Variants in SLC9A1 observed in about 807,000 individuals in gnomAD.
The protein encoded by SLC9A1 is solute carrier family 9 member A1, also known as sodium/hydrogen exchanger 1.
In SLC9A1, 22 loss-of-function variants were observed where a neutral mutation model predicts 67.9. The observed-to-expected ratio is 0.32, with a 90% confidence interval of 0.23 to 0.46. SLC9A1 has a LOEUF of 0.46. Among genes scored for constraint, SLC9A1 ranks in the 20% least tolerant of loss-of-function variants. The pLI is 1.00. For synonymous variants in SLC9A1, 421 were observed against 471.8 expected, an observed-to-expected ratio of 0.89 and a Z score of 1.40; for missense variants, 686 against 1,094.8, an observed-to-expected ratio of 0.63 and a Z score of 5.27.
intron 1 of SLC9A1, among the ~76,000 whole-genome samples, chr1:27,127,336 G>A (rs1410507368): frequency 6.6e-6 from 1 of 152,196 alleles, no homozygotes; most frequent in Non-Finnish European, 1.5e-5. Context: ...AATGGCAGTG[G>A]ACTGGAGTGG....
chr1:27,126,124 C>G (rs80336120), intron 1 of SLC9A1, among the ~76,000 whole-genome samples: 4,662 of 152,202 alleles, frequency 0.031, 74 homozygotes, highest in Non-Finnish European at 0.043. Context: ...TCCCTTCCTT[C>G]AGGTCCCTGC....
chr1:27,144,814 G>C (rs185555916), intron 1 of SLC9A1, among the ~76,000 whole-genome samples: 1 of 152,142 alleles, frequency 6.6e-6, no homozygotes, highest in Admixed American at 6.5e-5. Context: ...TTCTAGACCA[G>C]ACTGGCCAGC....
At chr1:27,119,154 G>A (rs943913548) in intron 1 of SLC9A1, among the ~76,000 whole-genome samples, 1 of 151,728 alleles carries the variant, frequency 6.6e-6, no homozygotes, top group African/African-American at 2.4e-5. Context: ...CGGCTGCTCT[G>A]CACCACAAGA....
At chr1:27,149,674 G>C (rs1459387570) in intron 1 of SLC9A1, among the ~76,000 whole-genome samples, 1 of 152,206 alleles carries the variant, frequency 6.6e-6, no homozygotes, top group Non-Finnish European at 1.5e-5. Context: ...GCATTCCCAC[G>C]TTCAGCCTCT....
chr1:27,101,940 G>T lies in SLC9A1; in HGVS notation c.1935+76C>A. 2 of 1,422,698 alleles carry T rather than the reference G, an allele frequency of 1.4e-6. No homozygotes were observed. The highest frequency in any genetic ancestry group is 2.0e-6 in the Non-Finnish European group (2 of 1,010,366). 88.1% of individuals were successfully genotyped at this position (1,422,698 alleles called of 1,614,324 possible). On this transcript the variant is annotated intron_variant, in intron 9 of 11. Transcript: ENST00000263980. This position sits in a 1 kb window ranked among gnomAD's most constrained non-coding sequence, Gnocchi z 4.9. ...CTGGGGTGGGTGCCGAGGGGCACGG[G>T]CAGGGCAGGGCTGCCGTAGAGAGGG...
intron 1 of SLC9A1, among the ~76,000 whole-genome samples, chr1:27,144,141 A>T (rs1348744222): frequency 6.6e-6 from 1 of 152,252 alleles, no homozygotes; most frequent in Non-Finnish European, 1.5e-5. Flanking sequence ...AGAAGCCATA[A>T]GTAAATCTGT....
At chr1:27,135,627 T>C (rs531886148) in intron 1 of SLC9A1, among the ~76,000 whole-genome samples, 1 of 150,840 alleles carries the variant, frequency 6.6e-6, no homozygotes, top group East Asian at 1.9e-4. Flanking sequence ...GATTATTTCA[T>C]TTAATTCTCA....
intron 1 of SLC9A1, among the ~76,000 whole-genome samples, chr1:27,115,616 C>G (rs2083267378): frequency 6.6e-6 from 1 of 151,732 alleles, no homozygotes; most frequent in African/African-American, 2.4e-5. Context: ...AATTTGACAC[C>G]AGCTTGTACA....
intron 1 of SLC9A1, among the ~76,000 whole-genome samples, chr1:27,119,272 C>G (rs1240767010): frequency 6.6e-6 from 1 of 152,146 alleles, no homozygotes; most frequent in East Asian, 1.9e-4. Context: ...ACCAGACATG[C>G]CTGATCCCCC....
rs115018670 is a variant in SLC9A1, at chr1:27,146,382, C to T, written c.352+7601G>A. ...GACTTGGAGTGGGTCAGCTTTTTCC[C>T]CAAACCCAAGAAGTGATCCACAGAA... is the stretch of plus-strand genomic sequence containing the variant. On this transcript the variant is annotated intron_variant, in intron 1 of 11. Transcript: ENST00000263980. Among the ~76,000 whole-genome samples the T allele has an allele frequency of 2.9e-3, 448 of 152,256 alleles. 2 individuals are homozygous for T. The highest frequency in any genetic ancestry group is 0.01 in the African/African-American group (430 of 41,540).
rs751865847 is a variant in SLC9A1, at chr1:27,109,512, T to G, written c.1064+15A>C. 1.9e-6 allele frequency: 3 copies of G among 1,601,954 alleles called. No individual in the cohort carries two copies. The highest frequency in any genetic ancestry group is 1.3e-5 in the African/African-American group (1 of 74,378). The stretch of plus-strand genomic sequence containing the variant: ...CCACCCCGCCAAGCCCACTGCCTGC[T>G]GCACGCAGACTCACGCCATGATGCC... On this transcript the variant is annotated intron_variant, in intron 3 of 11. Coordinates refer to ENST00000263980, the MANE Select transcript of SLC9A1 (RefSeq NM_003047.5). This position sits in a 1 kb window ranked among gnomAD's most constrained non-coding sequence, Gnocchi z 5.5.
chr1:27,105,101 C>T lies in SLC9A1; in HGVS notation c.1485+784G>A, dbSNP rs116837361. Among the ~76,000 whole-genome samples the T allele has an allele frequency of 2.8e-3, 426 of 152,278 alleles. 1 individual carries two copies. Among genetic ancestry groups the T allele is most frequent in the Middle Eastern group, 0.021 (6 of 292 alleles). ...GGTCTTTCTTAGGGTCAGAGGGACA[C>T]CAACACAGAGCTAGGGCTGACTCCA... is the stretch of plus-strand genomic sequence containing the variant. On this transcript the variant is annotated intron_variant, in intron 5 of 11. Coordinates refer to ENST00000263980, the MANE Select transcript of SLC9A1 (RefSeq NM_003047.5).
At chr1:27,131,949 T>TAAAAAAAAAAAAAAAAAAAAAAAAA (rs200128151) in intron 1 of SLC9A1, among the ~76,000 whole-genome samples, 3 of 25,310 alleles carry the variant, frequency 1.2e-4, no homozygotes, top group African/African-American at 2.9e-4. Flanking sequence ...AAAAAAAAAA[T>TAAAAAAAAAAAAAAAAAAAAAAAAA]ATATATATAT....
intron 2 of SLC9A1, among the ~76,000 whole-genome samples, chr1:27,112,883 CA>C (rs58540104): frequency 0.052 from 2,145 of 41,518 alleles, 20 homozygotes; most frequent in African/African-American, 0.15. Context: ...GACTCCATCT[CA>C]AAAAAAAAAA....
Position 27,101,115 on chromosome 1 carries a change from G to T in SLC9A1, c.2110+88C>A. On this transcript the variant is annotated intron_variant, in intron 11 of 11. Coordinates refer to ENST00000263980, the MANE Select transcript of SLC9A1 (RefSeq NM_003047.5). This position sits in a 1 kb window ranked among gnomAD's most constrained non-coding sequence, Gnocchi z 4.9. ...AGCGAGGGCCAGGCCTGTCCTCCCA[G>T]TGGCTGAGGACTGTTCCTGTGGAGC... The T allele has an allele frequency of 9.8e-7, 1 of 1,023,544 alleles. No individual in the cohort carries two copies. The highest frequency in any genetic ancestry group is 1.5e-6 in the Non-Finnish European group (1 of 677,898). 63.4% of individuals were successfully genotyped at this position (1,023,544 alleles called of 1,614,324 possible).
chr1:27,149,076 A>G (rs2083508742), intron 1 of SLC9A1, among the ~76,000 whole-genome samples: 1 of 152,240 alleles, frequency 6.6e-6, no homozygotes, highest in African/African-American at 2.4e-5. Flanking sequence ...AACAAAGGAC[A>G]GGTGCACAGC....
intron 1 of SLC9A1, among the ~76,000 whole-genome samples, chr1:27,120,509 G>A (rs1213823249): frequency 2.6e-5 from 4 of 151,682 alleles, no homozygotes; most frequent in Non-Finnish European, 5.9e-5. Flanking sequence ...AGGCCGAGGC[G>A]GGTGGATCAC....
At chr1:27,146,848 A>G (rs142055533) in intron 1 of SLC9A1, among the ~76,000 whole-genome samples, 1 of 152,246 alleles carries the variant, frequency 6.6e-6, no homozygotes, top group East Asian at 1.9e-4. Context: ...TATATCACCA[A>G]TTACCGGACG....
Position 27,100,768 on chromosome 1 carries a change from G to A in SLC9A1, c.2111-124C>T, listed in dbSNP as rs1280105421. 3.9e-6 allele frequency: 3 copies of A among 766,208 alleles called. No individual in the cohort carries two copies. The highest frequency in any genetic ancestry group is 1.7e-5 in the African/African-American group (1 of 57,448). The allele number at this position is 766,208 out of a possible 1,614,324, so 47.5% of individuals were successfully genotyped here. A position where few individuals can be genotyped will look rare whatever the true frequency, so the allele number is the denominator to read the frequency against. On this transcript the variant is annotated intron_variant, in intron 11 of 11. Transcript: ENST00000263980. This position sits in a 1 kb window ranked among gnomAD's most constrained non-coding sequence, Gnocchi z 5.6. ...GAGCACAGCCGTCCCGGTCCCAACA[G>A]GCCTCAGAAGCAGGCCTCTGCGACC...
Sources: gnomAD v4.1 joint callset for allele counts (sites outside exome capture counted in the v4.1 genomes callset) on GRCh38, gnomAD v4.1.1 for gene constraint, Gnocchi (gnomAD v3.1) non-coding constraint, MANE v1.5 for transcripts, NCBI Gene and HGNC (gene_info 2026-07-23, HGNC 2026-07-21) for gene names.